The following IMMP2L variants were observed in gnomAD, a reference collection of about 807,000 sequenced individuals.
The protein encoded by IMMP2L is inner mitochondrial membrane peptidase subunit 2.
A neutral mutation model predicts 19.3 loss-of-function variants in IMMP2L; 18 were observed. That is an observed-to-expected ratio of 0.93 (90% confidence interval 0.64 to 1.38). IMMP2L has a LOEUF of 1.38. IMMP2L is among the 40% of genes most tolerant of loss of function. The probability of loss-of-function intolerance (pLI) is 0.00; values close to 1 mark genes in which losing one functional copy is unlikely to be tolerated. For synonymous variants in IMMP2L, 76 were observed against 73.0 expected, an observed-to-expected ratio of 1.04 and a Z score of -0.21; for missense variants, 233 against 218.2, an observed-to-expected ratio of 1.07 and a Z score of -0.43.
chr7:111,352,955 T>C (rs899813227), intron 3 of IMMP2L, among the ~76,000 whole-genome samples: 5 of 152,174 alleles, frequency 3.3e-5, no homozygotes, highest in African/African-American at 1.2e-4. Context: ...GTGCATGAAG[T>C]CTCAACTGCC....
intron 3 of IMMP2L, among the ~76,000 whole-genome samples, chr7:111,485,617 A>AAAAAAAC (rs1563252449): frequency 1.6e-4 from 23 of 147,146 alleles, no homozygotes; most frequent in African/African-American, 5.8e-4. Context: ...AAAAAAAAAA[A>AAAAAAAC]AAAAAAAACA....
chr7:111,372,622 T>G (rs1363599211), intron 3 of IMMP2L, among the ~76,000 whole-genome samples: 1 of 151,994 alleles, frequency 6.6e-6, no homozygotes, highest in Non-Finnish European at 1.5e-5. Context: ...TTCTGTTCTT[T>G]TTTTTTTAAC....
At position 110,817,257 on chromosome 7, in the gene IMMP2L, A is replaced by C. The variant is rs186871194; in HGVS notation, c.408+69336T>G. The stretch of plus-strand genomic sequence containing the variant: ...TCTCCTTAAGCTGATAAGCAACTTC[A>C]GCAAAGTCTCAGGATACAAAATCAA... On this transcript the variant is annotated intron_variant, in intron 5 of 5. Coordinates refer to ENST00000405709, the MANE Select transcript of IMMP2L (RefSeq NM_032549.4). Among the ~76,000 whole-genome samples, 406 of 152,248 alleles carry C rather than the reference A, an allele frequency of 2.7e-3. 4 individuals are homozygous for C. Among genetic ancestry groups the C allele is most frequent in the African/African-American group, 9.2e-3 (382 of 41,540 alleles).
chr7:110,780,794 G>T (rs1289404137), intron 5 of IMMP2L, among the ~76,000 whole-genome samples: 3 of 10,482 alleles, frequency 2.9e-4, no homozygotes, highest in African/African-American at 8.3e-4. Flanking sequence ...ACAAAGGAGG[G>T]TGCCTTTGCT....
intron 3 of IMMP2L, among the ~76,000 whole-genome samples, chr7:111,216,192 T>G (rs1161681603): frequency 3.9e-5 from 6 of 152,128 alleles, no homozygotes; most frequent in South Asian, 4.1e-4. Flanking sequence ...TCACTTTCCT[T>G]TGAGGAGGTC....
chr7:110,810,328 G>A lies in IMMP2L; in HGVS notation c.408+76265C>T, dbSNP rs1801949612. 2.0e-5 allele frequency among the ~76,000 whole-genome samples: 3 copies of A among 152,050 alleles called. No homozygotes were observed. The East Asian group carries it at 5.8e-4, about 29-fold the overall frequency. On this transcript the variant is annotated intron_variant, in intron 5 of 5. Transcript: ENST00000405709. ...CTCTTAACATTTCAAATTCTTCAGT[G>A]AGAAAAATTCAGCTATAAGTCACTG...
chr7:110,724,085 A>G (rs1795742352), intron 5 of IMMP2L: 1 of 152,190 alleles, frequency 6.6e-6, no homozygotes, highest in Non-Finnish European at 1.5e-5. Flanking sequence ...CTGCTTACCA[A>G]CAACCTCTCA....
At chr7:111,320,462 C>A (rs1249466014) in intron 3 of IMMP2L, among the ~76,000 whole-genome samples, 1 of 152,064 alleles carries the variant, frequency 6.6e-6, no homozygotes, top group Non-Finnish European at 1.5e-5. Context: ...CTTTCTCTGG[C>A]CTACAACCCA....
intron 5 of IMMP2L, among the ~76,000 whole-genome samples, chr7:110,737,795 C>T (rs1314487358): frequency 1.3e-5 from 2 of 152,212 alleles, no homozygotes; most frequent in African/African-American, 4.8e-5. Context: ...AGGACCCTCA[C>T]AGAGTCCACT....
chr7:111,462,149 G>A (rs1424561618), intron 3 of IMMP2L, among the ~76,000 whole-genome samples: 1 of 151,666 alleles, frequency 6.6e-6, no homozygotes. Flanking sequence ...ATCAACCAAA[G>A]TAAGACTCAA....
chr7:111,276,880 T>C (rs1819133845), intron 3 of IMMP2L, among the ~76,000 whole-genome samples: 1 of 152,104 alleles, frequency 6.6e-6, no homozygotes. Context: ...TGCCACCTTA[T>C]TTAATAAATG....
chr7:110,734,794 C>T lies in IMMP2L; in HGVS notation c.409-71073G>A, dbSNP rs114046595. ...TTGCTGGCACAAATAAGGGAACTTG[C>T]CCAGGTGGCTTGCCTAAGACATGCC... On this transcript the variant is annotated intron_variant, in intron 5 of 5. Transcript: ENST00000405709. 4.1e-3 allele frequency among the ~76,000 whole-genome samples: 625 copies of T among 152,252 alleles called. 2 individuals are homozygous for T. The highest frequency in any genetic ancestry group is 0.01 in the African/African-American group (419 of 41,548).
At chr7:110,913,607 T>A (rs896598133) in intron 4 of IMMP2L, among the ~76,000 whole-genome samples, 8 of 151,948 alleles carry the variant, frequency 5.3e-5, no homozygotes, top group African/African-American at 1.9e-4. Context: ...AAGATAAAAA[T>A]TTAAAAATGT....
intron 3 of IMMP2L, among the ~76,000 whole-genome samples, chr7:111,433,987 A>T (rs1052387094): frequency 4.0e-5 from 6 of 151,772 alleles, no homozygotes; most frequent in African/African-American, 1.5e-4. Context: ...AAATAGCCAC[A>T]GCAATCCTAA....
At chr7:110,944,466 C>T (rs113080530) in intron 4 of IMMP2L, among the ~76,000 whole-genome samples, 89 of 151,390 alleles carry the variant, frequency 5.9e-4, no homozygotes, top group African/African-American at 2.0e-3. Flanking sequence ...TGTGTGTGCG[C>T]GCGCACGTGT....
At chr7:110,851,707 C>G (rs1018412035) in intron 5 of IMMP2L, among the ~76,000 whole-genome samples, 2 of 152,066 alleles carry the variant, frequency 1.3e-5, no homozygotes, top group Non-Finnish European at 2.9e-5. Flanking sequence ...GACACAAAAG[C>G]CTTTACCTTA....
intron 4 of IMMP2L, among the ~76,000 whole-genome samples, chr7:110,941,252 G>C (rs1273755303): frequency 6.6e-6 from 1 of 152,154 alleles, no homozygotes; most frequent in African/African-American, 2.4e-5. Context: ...TGGCTATTCA[G>C]TATATCAGCT....
intron 3 of IMMP2L, among the ~76,000 whole-genome samples, chr7:110,979,298 T>G (rs1476719653): frequency 6.6e-6 from 1 of 152,194 alleles, no homozygotes; most frequent in Non-Finnish European, 1.5e-5. Flanking sequence ...TTACTATTTA[T>G]GTCTAAATTT....
At chr7:111,350,775 T>A (rs1001182762) in intron 3 of IMMP2L, among the ~76,000 whole-genome samples, 1 of 152,164 alleles carries the variant, frequency 6.6e-6, no homozygotes, top group African/African-American at 2.4e-5. Context: ...ATAGTCACCA[T>A]GAGGACTTTG....
Sources: allele counts gnomAD v4.1 joint callset (sites outside exome capture counted in the v4.1 genomes callset), GRCh38; gene constraint gnomAD v4.1.1; transcripts MANE v1.5; gene names NCBI Gene and HGNC (gene_info 2026-07-23, HGNC 2026-07-21).